USP7: variants seen among roughly 807,000 people sequenced by gnomAD.
The protein encoded by USP7 is ubiquitin C-terminal hydrolase 7.
In USP7, 9 loss-of-function variants were observed where a neutral mutation model predicts 162.9. The ratio of observed to expected loss-of-function variants is 0.06; its 90% confidence interval spans 0.03 to 0.10. The LOEUF is 0.10. USP7 is among the 10% of genes least tolerant of loss of function. USP7 has a pLI of 1.00. For synonymous variants in USP7, 562 were observed against 475.9 expected (o/e 1.18, Z -2.35); for missense variants, 715 against 1,373.7 (o/e 0.52, Z 7.58).
At chr16:8,904,373 G>C (rs2061825263) in intron 15 of USP7, 62 bp downstream of exon 15, 1 of 1,596,672 alleles carries the variant, frequency 6.3e-7, no homozygotes, top group Non-Finnish European at 8.5e-7. Context: ...ACCTGCACTT[G>C]TGTATAGAGA....
At chr16:8,898,708 GCATAAAA>G in intron 23 of USP7, 69 bp from the exon 24 acceptor site, 1 of 1,308,652 alleles carries the variant, frequency 7.6e-7, no homozygotes, top group South Asian at 1.4e-5. Flanking sequence ...CTGTGAGTGA[GCATAAAA>G]GCAAACCGCT....
intron 1 of USP7, among the ~76,000 whole-genome samples, chr16:8,959,926 C>T (rs1046281140): frequency 6.6e-6 from 1 of 152,204 alleles, no homozygotes; most frequent in African/African-American, 2.4e-5. Context: ...CTATCCCATT[C>T]GTCTCAGAGC....
At chr16:8,959,428 A>G (rs1193651800) in intron 1 of USP7, among the ~76,000 whole-genome samples, 1 of 152,224 alleles carries the variant, frequency 6.6e-6, no homozygotes, top group Non-Finnish European at 1.5e-5. Flanking sequence ...GAAAAAATTA[A>G]TAATGAGGAT....
At chr16:8,954,509 T>A (rs1899700618) in intron 1 of USP7, among the ~76,000 whole-genome samples, 1 of 152,206 alleles carries the variant, frequency 6.6e-6, no homozygotes, top group Admixed American at 6.5e-5. Flanking sequence ...ATTACCCTGT[T>A]AACCGTAACT....
intron 2 of USP7, among the ~76,000 whole-genome samples, chr16:8,924,005 A>G (rs1407969611): frequency 6.6e-6 from 1 of 151,632 alleles, no homozygotes; most frequent in Non-Finnish European, 1.5e-5. Flanking sequence ...TAGGGGGAAT[A>G]ATTTTTTTTT....
chr16:8,954,455 G>C (rs1324326681), intron 1 of USP7, among the ~76,000 whole-genome samples: 1 of 152,150 alleles, frequency 6.6e-6, no homozygotes, highest in East Asian at 1.9e-4. Context: ...ACTGCATTCG[G>C]GTCATGGGCA....
intron 1 of USP7, among the ~76,000 whole-genome samples, chr16:8,944,595 A>G (rs1899195099): frequency 6.6e-6 from 1 of 152,224 alleles, no homozygotes; most frequent in Non-Finnish European, 1.5e-5. Flanking sequence ...TTATTTGAAT[A>G]AAACCACAAA....
rs866224780 is a variant in USP7, at chr16:8,952,775, C to T, written c.79+10432G>A. Among the ~76,000 whole-genome samples the T allele has an allele frequency of 3.9e-5, 6 of 152,212 alleles. No individual in the cohort carries two copies. In the Middle Eastern group the frequency reaches 0.01, roughly 261 times the overall value. ...ACCACAGACCCTAAACCTCTAGTCA[C>T]AGAGTCTGGCAGTTCCCAAACTCAT... On this transcript the variant is annotated intron_variant, in intron 1 of 30. Coordinates refer to ENST00000344836, the MANE Select transcript of USP7 (RefSeq NM_003470.3).
At chr16:8,910,687 G>C in intron 11 of USP7, 58 bp downstream of exon 11, 2 of 1,476,076 alleles carry the variant, frequency 1.4e-6, no homozygotes, top group Non-Finnish European at 1.9e-6. Context: ...GCAATTAAAA[G>C]AATTGAAAAT....
intron 4 of USP7, among the ~76,000 whole-genome samples, 179 bp from the exon 5 acceptor site, chr16:8,920,626 C>T (rs572074613): frequency 1.3e-5 from 2 of 152,278 alleles, no homozygotes; most frequent in South Asian, 4.1e-4. Flanking sequence ...GGTCTCACAA[C>T]AAATACAGCA....
Position 8,897,064 on chromosome 16 carries a change from G to C in USP7, c.2754C>G (p.Val918=), listed in dbSNP as rs781219672. 4 of 1,613,952 alleles carry C rather than the reference G, an allele frequency of 2.5e-6. No homozygotes were observed. The highest frequency in any genetic ancestry group is 3.3e-5 in the Admixed American group (2 of 59,998). ...ITLYPDKHGC[V]RDLLEECKKA... ...TTTTACATTCTTCTAACAGGTCCCG[G>C]ACACACCCATGCTTGTCTGGATATA... The change falls in exon 26 of 31, where the codon GTC becomes GTG. Residue 918 remains valine (V), a synonymous_variant. Transcript: ENST00000344836.
chr16:8,913,457 G>A (rs1238654920), intron 10 of USP7, among the ~76,000 whole-genome samples: 1 of 152,036 alleles, frequency 6.6e-6, no homozygotes, highest in African/African-American at 2.4e-5. Context: ...AACAGAAAGA[G>A]TAAGGACACT....
chr16:8,950,339 T>C (rs896376567), intron 1 of USP7, among the ~76,000 whole-genome samples: 4 of 152,298 alleles, frequency 2.6e-5, no homozygotes, highest in Middle Eastern at 3.4e-3. Flanking sequence ...TGCTCTCTGA[T>C]AAACACTCAA....
At chr16:8,943,094 G>C (rs2092731957) in intron 1 of USP7, among the ~76,000 whole-genome samples, 3 of 152,086 alleles carry the variant, frequency 2.0e-5, no homozygotes, top group Admixed American at 2.0e-4. Flanking sequence ...ATGTAAATTA[G>C]CTATATGAAA....
chr16:8,946,444 T>G (rs28523354), intron 1 of USP7, among the ~76,000 whole-genome samples: 50,452 of 152,092 alleles, frequency 0.33, 10,160 homozygotes, highest in African/African-American at 0.57. Context: ...TTGATCAACT[T>G]TGCTCCAGAA....
intron 10 of USP7, among the ~76,000 whole-genome samples, chr16:8,915,010 T>C (rs1476407157): frequency 6.6e-6 from 1 of 152,180 alleles, no homozygotes; most frequent in Non-Finnish European, 1.5e-5. Context: ...GTGTTAGAAG[T>C]CCACGTGGTG....
intron 2 of USP7, among the ~76,000 whole-genome samples, chr16:8,925,857 T>C (rs1193618908): frequency 2.6e-5 from 4 of 152,344 alleles, no homozygotes; most frequent in South Asian, 2.1e-4. Flanking sequence ...AGCAGAATAA[T>C]TGAAAACTTT....
At chr16:8,916,635 C>A in intron 7 of USP7, 79 bp from the exon 8 acceptor site, 22 of 1,361,144 alleles carry the variant, frequency 1.6e-5, no homozygotes, top group Non-Finnish European at 2.2e-5. Context: ...AGATTGAAAA[C>A]CTAAACTGGA....
At chr16:8,912,054 C>T (rs2061954909) in intron 10 of USP7, among the ~76,000 whole-genome samples, 1 of 152,186 alleles carries the variant, frequency 6.6e-6, no homozygotes, top group Admixed American at 6.5e-5. Context: ...AAGCAAATGA[C>T]TTACAAGTCA....
Sources: gnomAD v4.1 joint callset for allele counts (sites outside exome capture counted in the v4.1 genomes callset) on GRCh38, gnomAD v4.1.1 for gene constraint, MANE v1.5 for transcripts, NCBI Gene and HGNC (gene_info 2026-07-23, HGNC 2026-07-21) for gene names.